SLC37A3: variants seen among roughly 807,000 people sequenced by gnomAD.
SLC37A3 encodes solute carrier family 37 member 3, also known as sugar phosphate exchanger 3.
In SLC37A3, 51 loss-of-function variants were observed where a neutral mutation model predicts 67.1. That is an observed-to-expected ratio of 0.76 (90% CI 0.61 to 0.96). The LOEUF (loss-of-function observed/expected upper bound fraction) is 0.96. SLC37A3 is among the 40% of genes least tolerant of loss of function. The pLI, the probability that SLC37A3 is intolerant of heterozygous loss-of-function variation, is 0.00. For missense variants in SLC37A3, 508 were observed against 603.0 expected (o/e 0.84, Z 1.65); for synonymous variants, 214 against 231.4 (o/e 0.92, Z 0.68).
At chr7:140,353,736 G>A (rs375353492) in intron 7 of SLC37A3, among the ~76,000 whole-genome samples, 2 of 149,276 alleles carry the variant, frequency 1.3e-5, no homozygotes, top group Non-Finnish European at 3.0e-5. Flanking sequence ...TTTTTGATAC[G>A]GAGTCTCGCT....
chr7:140,395,777 GA>G (rs1254004681), intron 1 of SLC37A3, among the ~76,000 whole-genome samples: 3 of 151,698 alleles, frequency 2.0e-5, no homozygotes, highest in Non-Finnish European at 4.4e-5. Flanking sequence ...CAAGGATGGG[GA>G]AAAAAAACAT....
chr7:140,355,489 T>C (rs943001285), intron 7 of SLC37A3, among the ~76,000 whole-genome samples, 179 bp downstream of exon 7: 4 of 152,072 alleles, frequency 2.6e-5, no homozygotes, highest in Admixed American at 6.6e-5. Context: ...GCTGGGGTTA[T>C]AGGCGTGAGC....
At chr7:140,389,381 T>C (rs1798636671) in intron 1 of SLC37A3, among the ~76,000 whole-genome samples, 1 of 151,852 alleles carries the variant, frequency 6.6e-6, no homozygotes. Flanking sequence ...AGCTCTGCCA[T>C]CCCACCAGGG....
chr7:140,369,853 G>A (rs896979539), intron 3 of SLC37A3, among the ~76,000 whole-genome samples, 171 bp from the exon 4 acceptor site: 1 of 152,224 alleles, frequency 6.6e-6, no homozygotes. Flanking sequence ...GCTCACGCCT[G>A]TAATCCCAAC....
intron 12 of SLC37A3, 96 bp from the exon 13 acceptor site, chr7:140,343,659 T>A: frequency 7.5e-7 from 1 of 1,334,266 alleles, no homozygotes; most frequent in Non-Finnish European, 1.0e-6. Flanking sequence ...TTTCTTAATA[T>A]GTTGGAGAGA....
At chr7:140,384,441 T>G (rs1005250243) in intron 1 of SLC37A3, among the ~76,000 whole-genome samples, 3 of 152,100 alleles carry the variant, frequency 2.0e-5, no homozygotes, top group African/African-American at 7.2e-5. Flanking sequence ...GCTGGGCATG[T>G]TGGCTCATGC....
At chr7:140,348,508 T>C in intron 10 of SLC37A3, 118 bp downstream of exon 10, 1 of 1,167,458 alleles carries the variant, frequency 8.6e-7, no homozygotes, top group Non-Finnish European at 1.2e-6. Context: ...TAGGACAGTT[T>C]AGGGAAAATG....
chr7:140,377,222 G>T (rs371793194), intron 3 of SLC37A3, among the ~76,000 whole-genome samples: 2,649 of 147,330 alleles, frequency 0.018, 28 homozygotes, highest in Non-Finnish European at 0.027. Flanking sequence ...TTTTTTTTTT[G>T]TTTTGTTTTT....
At chr7:140,351,721 T>C (rs1796810913) in intron 8 of SLC37A3, 1 of 564,504 alleles carries the variant, frequency 1.8e-6, no homozygotes, top group African/African-American at 1.9e-5. Flanking sequence ...ATCTTTTTTG[T>C]GCATCATTTT....
chr7:140,367,755 G>A (rs1229187767), intron 4 of SLC37A3, among the ~76,000 whole-genome samples: 1 of 151,102 alleles, frequency 6.6e-6, no homozygotes, highest in East Asian at 1.9e-4. Context: ...CTATCCTGAC[G>A]CTGAATTACT....
At chr7:140,336,212 G>C (rs191979399) in intron 14 of SLC37A3, among the ~76,000 whole-genome samples, 9 of 152,298 alleles carry the variant, frequency 5.9e-5, no homozygotes, top group Non-Finnish European at 1.0e-4. Flanking sequence ...AGGAGTTTGA[G>C]ACCAGCCTGG....
rs1563027225 is a variant in SLC37A3, at chr7:140,361,504, C to CCTCTCCCTCT, written c.376-2720_376-2719insAGAGGGAGAG. On this transcript the variant is annotated intron_variant, in intron 5 of 14. Coordinates refer to ENST00000326232, the MANE Select transcript of SLC37A3 (RefSeq NM_207113.3). Reference sequence around the variant, plus strand: ...GACACACAGCCTCTCCCTCCCCCTCCCCCTCCCCCTCCCCCTCCCCCTCCC... The same window carrying CCTCTCCCTCT: ...GACACACAGCCTCTCCCTCCCCCTCCCTCTCCCTCTCCCTCCCCCTCCCCCTCCCCCTCCC... 1.2e-3 allele frequency among the ~76,000 whole-genome samples: 90 copies of CCTCTCCCTCT among 73,108 alleles called. 8 individuals carry two copies. The highest frequency in any genetic ancestry group is 3.5e-3 in the African/African-American group (57 of 16,166). The allele number at this position is 73,108 out of a possible 152,430, so 48.0% of individuals were successfully genotyped here.
chr7:140,388,677 A>G (rs1452471590), intron 1 of SLC37A3, among the ~76,000 whole-genome samples: 2 of 151,396 alleles, frequency 1.3e-5, no homozygotes, highest in African/African-American at 4.9e-5. Context: ...TGGGCGTGGT[A>G]GCGGGCGCTT....
intron 2 of SLC37A3, 37 bp from the exon 3 acceptor site, chr7:140,380,427 AAG>A (rs1486902284): frequency 7.2e-7 from 1 of 1,389,884 alleles, no homozygotes; most frequent in Admixed American, 1.8e-5. Flanking sequence ...ATGAATAGCA[AAG>A]AGAAACAGCA....
chr7:140,345,716 C>T (rs949862200), intron 11 of SLC37A3, among the ~76,000 whole-genome samples, 153 bp downstream of exon 11: 1 of 152,060 alleles, frequency 6.6e-6, no homozygotes, highest in African/African-American at 2.4e-5. Context: ...GACAGGTTTC[C>T]CAGGCATTCA....
At chr7:140,395,662 C>T (rs1798896135) in intron 1 of SLC37A3, among the ~76,000 whole-genome samples, 1 of 151,954 alleles carries the variant, frequency 6.6e-6, no homozygotes. Flanking sequence ...GAACCGAGAT[C>T]CCCCTACTGC....
intron 3 of SLC37A3, among the ~76,000 whole-genome samples, chr7:140,373,905 A>G (rs1442555010): frequency 1.3e-5 from 2 of 152,196 alleles, no homozygotes; most frequent in Non-Finnish European, 2.9e-5. Context: ...GCAAAAATGT[A>G]AAACAATGCC....
At chr7:140,336,817 A>G (rs10269948) in intron 14 of SLC37A3, among the ~76,000 whole-genome samples, 140,703 of 152,212 alleles carry the variant, frequency 0.92, 65,162 homozygotes, top group African/African-American at 0.98. Flanking sequence ...AAGAATGTGA[A>G]GTCAGGCGCA....
Position 140,369,588 on chromosome 7 carries a change from AC to A in SLC37A3, c.291+1del. 1.2e-6 allele frequency: 2 copies of A among 1,613,080 alleles called. No homozygotes were observed. The highest frequency in any genetic ancestry group is 1.7e-6 in the Non-Finnish European group (2 of 1,179,242). On this transcript the variant is annotated splice_donor_variant, in intron 4 of 14. Coordinates refer to ENST00000326232, the MANE Select transcript of SLC37A3 (RefSeq NM_207113.3). LOFTEE classifies it high-confidence loss of function. ...TTTAAGCCCTAGAGTTCCAAAACTT[AC>A]CACAGCATAGGAGAAGAGGAAAATG...
Sources: allele counts gnomAD v4.1 joint callset (sites outside exome capture counted in the v4.1 genomes callset), GRCh38; gene constraint gnomAD v4.1.1; transcripts MANE v1.5; gene names NCBI Gene and HGNC (gene_info 2026-07-23, HGNC 2026-07-21).